Variants in PRKCA observed in about 807,000 individuals in gnomAD.
PRKCA encodes protein kinase C alpha type.
In PRKCA, 27 loss-of-function variants were observed where a neutral mutation model predicts 87.0. The ratio of observed to expected loss-of-function variants is 0.31; its 90% CI spans 0.23 to 0.43. The LOEUF is 0.43. Among genes scored for constraint, PRKCA ranks in the 20% least tolerant of loss-of-function variants. PRKCA has a pLI of 1.00. For synonymous variants in PRKCA, 329 were observed against 311.1 expected, an observed-to-expected ratio of 1.06 and a Z score of -0.61; for missense variants, 518 against 852.3, an observed-to-expected ratio of 0.61 and a Z score of 4.88.
At chr17:66,739,223 G>A (rs745489137) in intron 11 of PRKCA, among the ~76,000 whole-genome samples, 4 of 152,152 alleles carry the variant, frequency 2.6e-5, no homozygotes, top group Admixed American at 6.5e-5. Flanking sequence ...TGGGAAAGTG[G>A]GATTCTGCCC....
intron 3 of PRKCA, among the ~76,000 whole-genome samples, chr17:66,522,860 A>G (rs528403453): frequency 3.3e-5 from 5 of 151,386 alleles, no homozygotes; most frequent in Non-Finnish European, 1.5e-5. Context: ...GGCATTATTC[A>G]TAATGAAACC....
Position 66,786,664 on chromosome 17 carries a change from AG to A in PRKCA, c.1606-199del, listed in dbSNP as rs756060862. 8.5e-5 allele frequency among the ~76,000 whole-genome samples: 13 copies of A among 152,344 alleles called. No homozygotes were observed. The East Asian group carries it at 2.3e-3, about 27-fold the overall frequency. On this transcript the variant is annotated intron_variant, in intron 14 of 16. Coordinates refer to ENST00000413366, the MANE Select transcript of PRKCA (RefSeq NM_002737.3). ...CAGGGCAAGATAATTAACGAGACAG[AG>A]GGGAAAAAATGAAAAACACACAACC...
At chr17:66,436,385 G>C (rs146550427) in intron 2 of PRKCA, among the ~76,000 whole-genome samples, 77 of 152,302 alleles carry the variant, frequency 5.1e-4, no homozygotes, top group African/African-American at 1.7e-3. Flanking sequence ...ACCTCTGTCT[G>C]TTTTCCCCAT....
chr17:66,783,788 A>G (rs1239038858), intron 14 of PRKCA, among the ~76,000 whole-genome samples: 1 of 152,130 alleles, frequency 6.6e-6, no homozygotes, highest in African/African-American at 2.4e-5. Context: ...TTTGGTTTGC[A>G]TTGTCTGTGA....
chr17:66,706,224 G>C (rs1419896468), intron 8 of PRKCA, among the ~76,000 whole-genome samples: 1 of 152,172 alleles, frequency 6.6e-6, no homozygotes, highest in Non-Finnish European at 1.5e-5. Flanking sequence ...TCCTGTGGTC[G>C]TAAAGACAGC....
chr17:66,681,626 C>T (rs568789642), intron 5 of PRKCA, among the ~76,000 whole-genome samples: 1 of 152,306 alleles, frequency 6.6e-6, no homozygotes, highest in Admixed American at 6.5e-5. Flanking sequence ...CTGTTATTTT[C>T]CCTGTTTTAC....
intron 10 of PRKCA, 32 bp from the exon 11 acceptor site, chr17:66,738,732 G>T: frequency 1.3e-6 from 2 of 1,581,626 alleles, no homozygotes; most frequent in Non-Finnish European, 1.7e-6. Context: ...CTGGGGAGGA[G>T]CCCTGCTCAT....
chr17:66,349,847 T>A (rs1348541152), intron 2 of PRKCA, among the ~76,000 whole-genome samples: 1 of 152,130 alleles, frequency 6.6e-6, no homozygotes, highest in African/African-American at 2.4e-5. Context: ...TTCGTTAATG[T>A]CTTCTGTGTG....
At chr17:66,409,159 A>G (rs1209508418) in intron 2 of PRKCA, among the ~76,000 whole-genome samples, 2 of 152,086 alleles carry the variant, frequency 1.3e-5, no homozygotes, top group African/African-American at 4.8e-5. Flanking sequence ...TTTAGGAAGC[A>G]CTGTGACGTC....
intron 2 of PRKCA, among the ~76,000 whole-genome samples, chr17:66,348,204 A>C (rs1907524545): frequency 6.6e-6 from 1 of 152,060 alleles, no homozygotes; most frequent in Admixed American, 6.5e-5. Context: ...GGCCTCGTAA[A>C]GTGCTGTGAT....
rs1975573414 is a variant in PRKCA at position 66,792,813 on chromosome 17, G to T, written c.1854+3834G>T. ...TCCCTGGCAGTGGCCATCTCCCCTG[G>T]TGGTGGCAGGGTCCCATGGCGGTGG... is the stretch of plus-strand genomic sequence containing the variant. On this transcript the variant is annotated intron_variant, in intron 16 of 16. Coordinates refer to ENST00000413366, the MANE Select transcript of PRKCA (RefSeq NM_002737.3). This position sits in a 1 kb window ranked among gnomAD's most constrained non-coding sequence, Gnocchi z 4.5. Among the ~76,000 whole-genome samples, 1 of 152,146 alleles carries T rather than the reference G, an allele frequency of 6.6e-6. No individual in the cohort carries two copies. The highest frequency in any genetic ancestry group is 1.5e-5 in the Non-Finnish European group (1 of 68,012).
At chr17:66,582,600 T>A (rs961779071) in intron 3 of PRKCA, among the ~76,000 whole-genome samples, 2 of 147,418 alleles carry the variant, frequency 1.4e-5, no homozygotes, top group Non-Finnish European at 3.0e-5. Flanking sequence ...TCCCCAGCCT[T>A]GTGGAACTGT....
intron 2 of PRKCA, among the ~76,000 whole-genome samples, chr17:66,409,726 G>A (rs1290827756): frequency 6.6e-6 from 1 of 152,130 alleles, no homozygotes; most frequent in African/African-American, 2.4e-5. Context: ...TCAGGAGATC[G>A]AGACCATCCT....
At chr17:66,729,797 T>G (rs921283198) in intron 8 of PRKCA, among the ~76,000 whole-genome samples, 1 of 148,006 alleles carries the variant, frequency 6.8e-6, no homozygotes, top group African/African-American at 2.5e-5. Flanking sequence ...TTTTTTTTTT[T>G]TTTTCTGAGA....
chr17:66,657,925 GTTTA>G (rs1971780948), intron 5 of PRKCA, among the ~76,000 whole-genome samples: 1 of 152,154 alleles, frequency 6.6e-6, no homozygotes, highest in South Asian at 2.1e-4. Flanking sequence ...GCAGGCTTGT[GTTTA>G]TAAAATAATA....
At chr17:66,669,439 TGGGAACAG>T (rs1972120120) in intron 5 of PRKCA, among the ~76,000 whole-genome samples, 1 of 151,802 alleles carries the variant, frequency 6.6e-6, no homozygotes, top group Non-Finnish European at 1.5e-5. Context: ...AATGGAAGAC[TGGGAACAG>T]GATATAAATT....
At chr17:66,697,881 T>C (rs1972964075) in intron 8 of PRKCA, among the ~76,000 whole-genome samples, 1 of 151,046 alleles carries the variant, frequency 6.6e-6, no homozygotes. Context: ...CTCTGTGGGA[T>C]TGGGAGAAGG....
intron 2 of PRKCA, among the ~76,000 whole-genome samples, chr17:66,327,366 C>CAAA (rs769256839): frequency 2.5e-5 from 2 of 80,006 alleles, no homozygotes; most frequent in African/African-American, 5.8e-5. Context: ...AACTCTGTCT[C>CAAA]AAAAAAAAAA....
Position 66,305,991 on chromosome 17 carries a change from C to A in PRKCA, c.174-105C>A, listed in dbSNP as rs1429638178. The A allele has an allele frequency of 7.9e-6, 8 of 1,013,456 alleles. No individual in the cohort carries two copies. The Admixed American group carries it at 1.5e-4, about 19-fold the overall frequency. The allele number at this position is 1,013,456 out of a possible 1,614,324, so 62.8% of individuals were successfully genotyped here. ...TTTTCTATTAAATCATTGGGTTTCA[C>A]ATACAAACCTTTAGTGGTAGAGTAC... On this transcript the variant is annotated intron_variant, in intron 1 of 16. Transcript: ENST00000413366.
Sources: gnomAD v4.1 joint callset for allele counts (sites outside exome capture counted in the v4.1 genomes callset) on GRCh38, gnomAD v4.1.1 for gene constraint, Gnocchi (gnomAD v3.1) non-coding constraint, MANE v1.5 for transcripts, NCBI Gene and HGNC (gene_info 2026-07-23, HGNC 2026-07-21) for gene names.